The following USP32 variants were observed in gnomAD, a reference collection of about 807,000 sequenced individuals.
USP32 encodes ubiquitin specific peptidase 32.
USP32 carries 59 observed loss-of-function variants against 204.8 expected under a neutral mutation model. The observed-to-expected ratio is 0.29, with a 90% CI of 0.23 to 0.36. The LOEUF (loss-of-function observed/expected upper bound fraction) is 0.36, where lower values mean the gene tolerates loss of function less well. Among genes scored for constraint, USP32 ranks in the 10% least tolerant of loss-of-function variants. USP32 has a pLI of 1.00. For synonymous variants in USP32, 517 were observed against 678.4 expected (o/e 0.76, Z 3.70); for missense variants, 1,160 against 1,946.4 (o/e 0.60, Z 7.60).
At chr17:60,320,268 A>G (rs1044729062) in intron 2 of USP32, among the ~76,000 whole-genome samples, 1 of 152,234 alleles carries the variant, frequency 6.6e-6, no homozygotes, top group African/African-American at 2.4e-5. Context: ...AAATATCACC[A>G]AACTTCTAAA....
chr17:60,295,465 G>A (rs1346776931), intron 3 of USP32, among the ~76,000 whole-genome samples: 2 of 152,130 alleles, frequency 1.3e-5, no homozygotes, highest in African/African-American at 4.8e-5. Flanking sequence ...GTTAACAGAG[G>A]TCCAAAAATA....
chr17:60,299,975 T>TA (rs1338965111), intron 3 of USP32, among the ~76,000 whole-genome samples: 1 of 152,108 alleles, frequency 6.6e-6, no homozygotes, highest in Non-Finnish European at 1.5e-5. Context: ...TACTTATGAT[T>TA]AACCCTCATG....
In USP32 at chr17:60,275,364, G is replaced by A. The variant is rs570654489; in HGVS notation, c.572-3883C>T. Among the ~76,000 whole-genome samples the A allele has an allele frequency of 8.0e-4, 122 of 152,260 alleles. 2 individuals are homozygous for A. Among genetic ancestry groups the A allele is most frequent in the African/African-American group, 2.8e-3 (115 of 41,564 alleles). ...CCCAGCTACTCAGGAGGCTGAGGCA[G>A]AAGAATCGCTTGAACCTGGGAGGCA... On this transcript the variant is annotated intron_variant, in intron 5 of 33. Transcript: ENST00000300896.
chr17:60,215,676 A>G (rs1310294533), intron 16 of USP32, among the ~76,000 whole-genome samples: 1 of 152,092 alleles, frequency 6.6e-6, no homozygotes, highest in Non-Finnish European at 1.5e-5. Flanking sequence ...ATGTATATCT[A>G]TTACATATCA....
Position 60,211,062 on chromosome 17 carries a change from T to C in USP32, c.2375A>G (p.Gln792Arg), listed in dbSNP as rs1179763735. 1 of 1,612,822 alleles carries C rather than the reference T, an allele frequency of 6.2e-7. No homozygotes were observed. Reference protein sequence around the residue: ...HMAKCYGDLVQELWSGTQKNV... With the variant: ...HMAKCYGDLVRELWSGTQKNV... Reference sequence around the variant, plus strand: ...CTTCTGAGTTCCACTCCAAAGTTCCTGCACTAAATCACCATAGCATTTAGC... The same window carrying C: ...CTTCTGAGTTCCACTCCAAAGTTCCCGCACTAAATCACCATAGCATTTAGC... The change falls in exon 21 of 34, where the codon CAG becomes CGG. Residue 792 changes from glutamine (Q) to arginine (R), a missense_variant. Gln to Arg is a conservative substitution (Grantham distance 43, BLOSUM62 1). This residue lies in a region of USP32 where 132 missense variants were observed against 432.8 expected (regional missense o/e 0.30). Coordinates refer to ENST00000300896, the MANE Select transcript of USP32 (RefSeq NM_032582.4).
chr17:60,279,795 C>T (rs959352161), intron 5 of USP32, among the ~76,000 whole-genome samples: 1 of 150,940 alleles, frequency 6.6e-6, no homozygotes, highest in Non-Finnish European at 1.5e-5. Context: ...CTAGATAGGG[C>T]CACTGCACTC....
At chr17:60,338,133 G>C (rs73320733) in intron 2 of USP32, among the ~76,000 whole-genome samples, 1 of 151,794 alleles carries the variant, frequency 6.6e-6, no homozygotes, top group East Asian at 1.9e-4. Context: ...AGCCCAGCCT[G>C]GGCAACATGG....
chr17:60,353,375 T>C (rs1016294771), intron 1 of USP32, among the ~76,000 whole-genome samples: 3 of 152,198 alleles, frequency 2.0e-5, no homozygotes, highest in East Asian at 1.9e-4. Context: ...CTTTGGTATT[T>C]TGTGATGGTA....
chr17:60,305,709 T>C (rs1171222182), intron 2 of USP32, among the ~76,000 whole-genome samples: 5 of 152,224 alleles, frequency 3.3e-5, no homozygotes, highest in East Asian at 1.9e-4. Flanking sequence ...TCACTGTATC[T>C]TGATAATCCA....
At chr17:60,336,496 A>T (rs1282125415) in intron 2 of USP32, among the ~76,000 whole-genome samples, 1 of 141,412 alleles carries the variant, frequency 7.1e-6, no homozygotes, top group Non-Finnish European at 1.5e-5. Flanking sequence ...CGGGCGGATC[A>T]CGAGGTCAAG....
At chr17:60,366,283 C>A (rs2089311755) in intron 1 of USP32, among the ~76,000 whole-genome samples, 1 of 152,160 alleles carries the variant, frequency 6.6e-6, no homozygotes, top group East Asian at 1.9e-4. Context: ...CTCAGCCTCC[C>A]AAGTAGCTGG....
chr17:60,301,489 A>T, intron 3 of USP32, 110 bp downstream of exon 3: 1 of 625,204 alleles, frequency 1.6e-6, no homozygotes, highest in Non-Finnish European at 2.6e-6. Context: ...TACCACTTGT[A>T]TATCTTCTTT....
At chr17:60,275,373 C>T (rs2086815302) in intron 5 of USP32, among the ~76,000 whole-genome samples, 1 of 152,104 alleles carries the variant, frequency 6.6e-6, no homozygotes, top group African/African-American at 2.4e-5. Context: ...AGAAGAATCG[C>T]TTGAACCTGG....
At chr17:60,388,624 C>T (rs2089774378) in intron 1 of USP32, among the ~76,000 whole-genome samples, 1 of 152,120 alleles carries the variant, frequency 6.6e-6, no homozygotes, top group African/African-American at 2.4e-5. Context: ...TTAGAAAACA[C>T]ACGCAATATA....
intron 5 of USP32, among the ~76,000 whole-genome samples, chr17:60,283,901 T>A (rs1006093222): frequency 2.0e-5 from 3 of 152,090 alleles, no homozygotes; most frequent in African/African-American, 7.2e-5. Flanking sequence ...ATGTACATCA[T>A]CCGAGAACAA....
intron 9 of USP32, among the ~76,000 whole-genome samples, chr17:60,263,957 A>G (rs1429031131): frequency 6.6e-6 from 1 of 152,138 alleles, no homozygotes; most frequent in Non-Finnish European, 1.5e-5. Flanking sequence ...GACTTGGTAC[A>G]TGTCAATGCT....
chr17:60,345,447 T>C (rs376674643), intron 2 of USP32, 34 bp downstream of exon 2: 2 of 1,609,096 alleles, frequency 1.2e-6, no homozygotes, highest in South Asian at 1.1e-5. Context: ...GGTGGATAAC[T>C]ACCTCAAAGG....
At chr17:60,217,420 G>A (rs1406525921) in intron 16 of USP32, among the ~76,000 whole-genome samples, 3 of 151,966 alleles carry the variant, frequency 2.0e-5, no homozygotes, top group Non-Finnish European at 2.9e-5. Context: ...TCACCCTCCC[G>A]AGTAGCTGGG....
At chr17:60,351,161 A>T (rs2088937581) in intron 1 of USP32, among the ~76,000 whole-genome samples, 1 of 152,122 alleles carries the variant, frequency 6.6e-6, no homozygotes, top group African/African-American at 2.4e-5. Context: ...AAAAAAAAAT[A>T]GAGATTGGTT....
Sources: gnomAD v4.1 joint callset for allele counts (sites outside exome capture counted in the v4.1 genomes callset) on GRCh38, gnomAD v4.1.1 for gene constraint, gnomAD v4.1.1 regional missense constraint, MANE v1.5 for transcripts, NCBI Gene and HGNC (gene_info 2026-07-23, HGNC 2026-07-21) for gene names.